Variants in PI4KA observed in about 807,000 individuals in gnomAD.
PI4KA encodes the protein PI4-kinase alpha.
A neutral mutation model predicts 271.4 loss-of-function variants in PI4KA; 122 were observed. The ratio of observed to expected loss-of-function variants is 0.45; its 90% confidence interval spans 0.39 to 0.52. The LOEUF is 0.52. Ranked by LOEUF, PI4KA falls within the 20% of genes least tolerant of loss-of-function variation. The pLI is 0.00. For missense variants in PI4KA, 1,969 were observed against 2,769.1 expected, an observed-to-expected ratio of 0.71 and a Z score of 6.48; for synonymous variants, 1,041 against 1,078.8, an observed-to-expected ratio of 0.96 and a Z score of 0.69.
intron 19 of PI4KA, among the ~76,000 whole-genome samples, chr22:20,791,568 G>T (rs906464643): frequency 2.0e-5 from 3 of 151,952 alleles, no homozygotes; most frequent in African/African-American, 7.3e-5. Context: ...ACAAGCCTGG[G>T]CAACATGGCA....
rs1922147664 is a variant in PI4KA, at chr22:20,818,532, G to C, written c.807C>G (p.Gly269=). The stretch of plus-strand genomic sequence containing the variant: ...CTCCAGGGGAACTGGGAGGGGGCAT[G>C]CCGCGTTCAGGGCTGACCTGAAACA... ...SSISQVSPER[G]MPPPSSPGGS... Residue 269 remains glycine, a synonymous_variant, in exon 7 of 55, where the codon GGC becomes GGG. Coordinates refer to ENST00000255882, the MANE Select transcript of PI4KA (RefSeq NM_058004.4). The C allele has an allele frequency of 1.3e-6, 2 of 1,559,236 alleles. No homozygotes were observed. Among genetic ancestry groups the C allele is most frequent in the East Asian group, 5.0e-5 (2 of 39,830 alleles).
rs527533656 is a variant in PI4KA at position 20,801,835 on chromosome 22, G to A, written c.1724+138C>T. ...CAGGAGGCAGAGGTAGCAGTGAGCC[G>A]AGATTGTGCCACTGCATTCCAGCCT... On this transcript the variant is annotated intron_variant, in intron 14 of 54. Transcript: ENST00000255882. The A allele has an allele frequency of 4.9e-5, 44 of 898,710 alleles. No homozygotes were observed. In the East Asian group the frequency reaches 5.4e-4, roughly 11 times the overall value. The allele number at this position is 898,710 out of a possible 1,614,324, so 55.7% of individuals were successfully genotyped here. A position where few individuals can be genotyped will look rare whatever the true frequency, so the allele number is the denominator to read the frequency against.
At chr22:20,822,052 G>T (rs988712611) in intron 4 of PI4KA, among the ~76,000 whole-genome samples, 3 of 152,152 alleles carry the variant, frequency 2.0e-5, no homozygotes, top group Admixed American at 2.0e-4. Context: ...ACGTGTGAGG[G>T]TCACTTGAGC....
chr22:20,733,673 G>T, intron 35 of PI4KA, 63 bp downstream of exon 35: 8 of 1,613,236 alleles, frequency 5.0e-6, no homozygotes, highest in Non-Finnish European at 5.9e-6. Context: ...GGTTTGGGGC[G>T]ATGGAGCACT....
At chr22:20,709,219 C>T in intron 54 of PI4KA, 77 bp downstream of exon 54, 2 of 722,172 alleles carry the variant, frequency 2.8e-6, no homozygotes, top group South Asian at 3.1e-5. Flanking sequence ...ATCCTCATCG[C>T]CTGGTGCAGG....
intron 1 of PI4KA, among the ~76,000 whole-genome samples, chr22:20,855,812 C>T (rs140506768): frequency 1.2e-4 from 19 of 152,330 alleles, no homozygotes; most frequent in South Asian, 1.2e-3. Flanking sequence ...CAACATAAAT[C>T]ATAGTTTGTA....
At chr22:20,811,604 C>CAA (rs1921012818) in intron 8 of PI4KA, among the ~76,000 whole-genome samples, 1 of 72,194 alleles carries the variant, frequency 1.4e-5, no homozygotes, top group African/African-American at 7.4e-5. Flanking sequence ...AACTGCAGAA[C>CAA]CACAAAAAAA....
At chr22:20,828,048 C>G (rs1171887678) in intron 3 of PI4KA, among the ~76,000 whole-genome samples, 2 of 152,168 alleles carry the variant, frequency 1.3e-5, no homozygotes, top group Non-Finnish European at 2.9e-5. Context: ...CCTGCCTCGG[C>G]CTCCCAAAGT....
rs777658730 is a variant in PI4KA, at chr22:20,713,288, C to T, written c.5564G>A (p.Cys1855Tyr). 1.9e-6 allele frequency: 3 copies of T among 1,579,450 alleles called. No individual in the cohort carries two copies. The highest frequency in any genetic ancestry group is 2.7e-5 in the African/African-American group (2 of 74,114). ...AGGCCTGACCCTGCTTACCTGCCGG[C>T]AGTCGTCTCCCACCTTGAAGATGGC... is the stretch of plus-strand genomic sequence containing the variant. ...QAAIFKVGDD[C>Y]RQDMLALQII... The change falls in exon 48 of 55, where the codon TGC (cysteine) becomes TAC (tyrosine). Residue 1855 changes from cysteine (C) to tyrosine (Y), a missense_variant. By Grantham distance (194) the Cys-to-Tyr change is radical. Coordinates refer to ENST00000255882, the MANE Select transcript of PI4KA (RefSeq NM_058004.4).
chr22:20,758,210 A>G (rs1931522391), intron 23 of PI4KA, among the ~76,000 whole-genome samples: 1 of 151,722 alleles, frequency 6.6e-6, no homozygotes, highest in Admixed American at 6.6e-5. Flanking sequence ...CTAAAAATAC[A>G]AAAAATTAGC....
intron 1 of PI4KA, among the ~76,000 whole-genome samples, chr22:20,845,658 G>T (rs1212675147): frequency 6.6e-6 from 1 of 152,142 alleles, no homozygotes; most frequent in Non-Finnish European, 1.5e-5. Context: ...AAATGTAAAT[G>T]GAACAGCACC....
In PI4KA at chr22:20,805,144, T is replaced by G. The variant is rs1350548025; in HGVS notation, c.1190A>C (p.Lys397Thr). The G allele has an allele frequency of 6.2e-7, 1 of 1,613,686 alleles. No homozygotes were observed. The highest frequency in any genetic ancestry group is 8.5e-7 in the Non-Finnish European group (1 of 1,179,696). Residue 397 changes from lysine to threonine, a missense_variant, in exon 11 of 55, where the codon AAG becomes ACG. Physicochemically the swap from Lys to Thr is moderately conservative, Grantham distance 78. Transcript: ENST00000255882. Reference protein sequence around the residue: ...YMKDLPTSFVKEIHDFVLEQF... With the variant: ...YMKDLPTSFVTEIHDFVLEQF... ...CTCCAGCACAAAATCATGGATCTCC[T>G]TCACAAAAGAGGTCGGGAGGTCTGT... is the stretch of plus-strand genomic sequence containing the variant.
At chr22:20,729,239 T>A in intron 39 of PI4KA, 74 bp downstream of exon 39, 1 of 1,345,222 alleles carries the variant, frequency 7.4e-7, no homozygotes, top group Non-Finnish European at 1.0e-6. Context: ...TGAGAACTCA[T>A]GACCCAGCTG....
intron 19 of PI4KA, among the ~76,000 whole-genome samples, chr22:20,790,525 G>A (rs558356317): frequency 6.6e-6 from 1 of 151,940 alleles, no homozygotes; most frequent in African/African-American, 2.4e-5. Context: ...GCCGTGCATG[G>A]TGGTGCACAC....
chr22:20,801,696 C>T (rs563707191), intron 14 of PI4KA, among the ~76,000 whole-genome samples: 4 of 151,930 alleles, frequency 2.6e-5, no homozygotes, highest in Non-Finnish European at 5.9e-5. Flanking sequence ...CCAGCCTGGC[C>T]AACGTGGTGC....
chr22:20,828,250 T>C (rs1923696918), intron 3 of PI4KA, among the ~76,000 whole-genome samples: 1 of 152,156 alleles, frequency 6.6e-6, no homozygotes, highest in African/African-American at 2.4e-5. Flanking sequence ...TCAAGGGGCT[T>C]TGGGCAGAGA....
Position 20,712,908 on chromosome 22 carries a change from G to A in PI4KA, c.5572-111C>T, listed in dbSNP as rs182296285. The A allele has an allele frequency of 1.2e-3, 1,802 of 1,522,392 alleles. 17 individuals carry two copies. The African/African-American group carries it at 0.021, about 18-fold the overall frequency. 94.3% of individuals were successfully genotyped at this position (1,522,392 alleles called of 1,614,324 possible). On this transcript the variant is annotated intron_variant, in intron 48 of 54. Coordinates refer to ENST00000255882, the MANE Select transcript of PI4KA (RefSeq NM_058004.4). ...GCACCCAGAGATGGAGTGAGGTGGGGAGACCACAGCCGAGCAAGAGTCTGG... is the reference window on the plus strand; with the variant it reads ...GCACCCAGAGATGGAGTGAGGTGGGAAGACCACAGCCGAGCAAGAGTCTGG...
intron 4 of PI4KA, among the ~76,000 whole-genome samples, 190 bp from the exon 5 acceptor site, chr22:20,820,801 G>C (rs1230911504): frequency 1.3e-5 from 2 of 152,134 alleles, no homozygotes. Flanking sequence ...TCACTCTCTG[G>C]GCTGGTTCCG....
At chr22:20,844,386 G>A (rs1396947198) in intron 1 of PI4KA, among the ~76,000 whole-genome samples, 7 of 152,228 alleles carry the variant, frequency 4.6e-5, no homozygotes, top group Non-Finnish European at 1.0e-4. Context: ...CAGGCACAGT[G>A]CTGGCATGCA....
Sources: gnomAD v4.1 joint callset for allele counts (sites outside exome capture counted in the v4.1 genomes callset) on GRCh38, gnomAD v4.1.1 for gene constraint, MANE v1.5 for transcripts, NCBI Gene and HGNC (gene_info 2026-07-23, HGNC 2026-07-21) for gene names.